IGSF21: variants seen among roughly 807,000 people sequenced by gnomAD.
The protein encoded by IGSF21 is immunoglobin superfamily member 21, also known as immunoglobulin superfamily member 21.
IGSF21 carries 28 observed loss-of-function variants against 46.8 expected under a neutral mutation model. The ratio of observed to expected loss-of-function variants is 0.60; its 90% CI spans 0.44 to 0.82. The LOEUF (loss-of-function observed/expected upper bound fraction) is 0.82. IGSF21 is among the 40% of genes least tolerant of loss of function. The pLI is 0.00. For missense variants in IGSF21, 624 were observed against 665.5 expected, an observed-to-expected ratio of 0.94 and a Z score of 0.69; for synonymous variants, 284 against 273.6, an observed-to-expected ratio of 1.04 and a Z score of -0.38.
rs1569845701 is a variant in IGSF21, at chr1:18,341,636, C to A, written c.424+6626C>A. On this transcript the variant is annotated intron_variant, in intron 4 of 9. Transcript: ENST00000251296. ...GTGAGTACTATCACTTTCTCTTTAG[C>A]AGATGAAGAAATTGAGAGGTAATGT... 2.0e-5 allele frequency among the ~76,000 whole-genome samples: 3 copies of A among 152,320 alleles called. No individual in the cohort carries two copies. In the East Asian group the frequency reaches 5.8e-4, roughly 29 times the overall value.
intron 1 of IGSF21, among the ~76,000 whole-genome samples, chr1:18,177,392 G>GAAGGACC: frequency 8.0e-6 from 1 of 125,018 alleles, no homozygotes; most frequent in Non-Finnish European, 1.7e-5. Context: ...GGGTCAGTGA[G>GAAGGACC]GTGTGTGTGT....
intron 1 of IGSF21, among the ~76,000 whole-genome samples, chr1:18,148,067 C>A (rs11261095): frequency 0.85 from 128,241 of 151,030 alleles, 56,359 homozygotes; most frequent in Non-Finnish European, 0.96. Flanking sequence ...CTCCCCAGCC[C>A]TGTGGAACTG....
At chr1:18,212,875 C>T (rs552286190) in intron 1 of IGSF21, among the ~76,000 whole-genome samples, 1 of 152,350 alleles carries the variant, frequency 6.6e-6, no homozygotes, top group Non-Finnish European at 1.5e-5. Context: ...CCTCACCCAC[C>T]ACCAAGGACA....
At chr1:18,258,781 G>A (rs558982165) in intron 2 of IGSF21, among the ~76,000 whole-genome samples, 2 of 152,292 alleles carry the variant, frequency 1.3e-5, no homozygotes, top group African/African-American at 4.8e-5. Flanking sequence ...TGTGAGAATG[G>A]AATGCACAGC....
intron 4 of IGSF21, among the ~76,000 whole-genome samples, chr1:18,355,869 CTT>C (rs2086011898): frequency 8.5e-6 from 1 of 118,200 alleles, no homozygotes; most frequent in Admixed American, 1.1e-4. Flanking sequence ...GAGTTTCGCT[CTT>C]GTTACCCAGG....
intron 2 of IGSF21, among the ~76,000 whole-genome samples, chr1:18,254,896 A>C (rs985735978): frequency 4.0e-5 from 6 of 151,578 alleles, no homozygotes; most frequent in Non-Finnish European, 5.9e-5. Flanking sequence ...CCATCCCTCC[A>C]TTCATCCAGC....
At position 18,151,058 on chromosome 1, in the gene IGSF21, C is replaced by G. The variant is rs145086039; in HGVS notation, c.70+42860C>G. Among the ~76,000 whole-genome samples the G allele has an allele frequency of 4.6e-3, 702 of 152,334 alleles. 8 individuals carry two copies. The highest frequency in any genetic ancestry group is 0.016 in the African/African-American group (678 of 41,580). Reference sequence around the variant, plus strand: ...GCAAGGTCTCCGGATGGCTGTGGCTCAGCCCTGATGAATCACAGAATACCT... The same window carrying G: ...GCAAGGTCTCCGGATGGCTGTGGCTGAGCCCTGATGAATCACAGAATACCT... On this transcript the variant is annotated intron_variant, in intron 1 of 9. Transcript: ENST00000251296.
chr1:18,123,706 G>A (rs186315787), intron 1 of IGSF21, among the ~76,000 whole-genome samples: 112 of 152,184 alleles, frequency 7.4e-4, no homozygotes, highest in Non-Finnish European at 1.4e-3. Context: ...GGAGGGATCT[G>A]AGCAGGATAC....
chr1:18,135,949 C>T lies in IGSF21; in HGVS notation c.70+27751C>T, dbSNP rs1486069397. On this transcript the variant is annotated intron_variant, in intron 1 of 9. Coordinates refer to ENST00000251296, the MANE Select transcript of IGSF21 (RefSeq NM_032880.5). ...TTGTTTCCTGACTTTTTAATGATGG[C>T]CATTCTGACTGGTGTGAGATGGTAT... Among the ~76,000 whole-genome samples, 4 of 152,160 alleles carry T rather than the reference C, an allele frequency of 2.6e-5. No individual in the cohort carries two copies. The East Asian group carries it at 7.7e-4, about 29-fold the overall frequency.
chr1:18,177,309 C>T (rs903592640), intron 1 of IGSF21, among the ~76,000 whole-genome samples: 6 of 152,014 alleles, frequency 3.9e-5, no homozygotes, highest in South Asian at 2.1e-4. Context: ...TCCTTTGCCC[C>T]GAAAAGTCCA....
intron 2 of IGSF21, among the ~76,000 whole-genome samples, chr1:18,277,922 T>C (rs958885754): frequency 6.6e-6 from 1 of 152,188 alleles, no homozygotes; most frequent in African/African-American, 2.4e-5. Flanking sequence ...GTGTTCTGCA[T>C]CCTGAGAAGG....
intron 4 of IGSF21, among the ~76,000 whole-genome samples, chr1:18,340,907 C>T (rs2085826185): frequency 6.6e-6 from 1 of 150,876 alleles, no homozygotes; most frequent in Non-Finnish European, 1.5e-5. Flanking sequence ...TCTTCTCCTT[C>T]TCCTTCTCCT....
intron 2 of IGSF21, among the ~76,000 whole-genome samples, chr1:18,264,298 T>TCTAG (rs1290737858): frequency 6.6e-6 from 1 of 152,226 alleles, no homozygotes; most frequent in Non-Finnish European, 1.5e-5. Flanking sequence ...ATGCTTGCTT[T>TCTAG]CTGCCCGGCC....
intron 2 of IGSF21, among the ~76,000 whole-genome samples, chr1:18,236,772 G>T (rs1425379963): frequency 6.6e-6 from 1 of 152,218 alleles, no homozygotes; most frequent in Non-Finnish European, 1.5e-5. Flanking sequence ...AGTGGTTTCA[G>T]AAATAGTAGA....
intron 2 of IGSF21, among the ~76,000 whole-genome samples, chr1:18,276,604 G>A (rs554808711): frequency 6.6e-6 from 1 of 152,280 alleles, no homozygotes; most frequent in East Asian, 1.9e-4. Flanking sequence ...AAGAATATGT[G>A]CCATCTTTCA....
intron 3 of IGSF21, among the ~76,000 whole-genome samples, chr1:18,333,406 C>T (rs748060997): frequency 1.3e-5 from 2 of 152,178 alleles, no homozygotes; most frequent in Non-Finnish European, 2.9e-5. Flanking sequence ...GCCAGGAATT[C>T]GCTCTCCCCA....
intron 4 of IGSF21, among the ~76,000 whole-genome samples, chr1:18,356,701 G>A (rs2086022118): frequency 6.6e-6 from 1 of 152,236 alleles, no homozygotes; most frequent in African/African-American, 2.4e-5. Context: ...GACTGTAACA[G>A]TGATGGGAAT....
chr1:18,362,142 C>T lies in IGSF21; in HGVS notation c.452C>T (p.Ala151Val), dbSNP rs766350351. 4 of 1,611,594 alleles carry T rather than the reference C, an allele frequency of 2.5e-6. No homozygotes were observed. Among genetic ancestry groups the T allele is most frequent in the Non-Finnish European group, 3.4e-6 (4 of 1,179,134 alleles). The change falls in exon 5 of 10, where the codon GCT (alanine) becomes GTT (valine). Residue 151 changes from alanine to valine, a missense_variant. Transcript: ENST00000251296. ...CCTCCCACCTCCATTGAAGTGGTGGCTGCTGACACACCAGCCCCCTTCAGC... is the reference window on the plus strand; with the variant it reads ...CCTCCCACCTCCATTGAAGTGGTGGTTGCTGACACACCAGCCCCCTTCAGC... ...MAPPTSIEVV[A>V]ADTPAPFSRY...
intron 3 of IGSF21, among the ~76,000 whole-genome samples, chr1:18,299,893 C>T (rs886707640): frequency 1.3e-5 from 2 of 152,146 alleles, no homozygotes; most frequent in Non-Finnish European, 2.9e-5. Context: ...CAGGTCTCCT[C>T]CCAGCCACTA....
Sources: gnomAD v4.1 joint callset for allele counts (sites outside exome capture counted in the v4.1 genomes callset) on GRCh38, gnomAD v4.1.1 for gene constraint, MANE v1.5 for transcripts, NCBI Gene and HGNC (gene_info 2026-07-23, HGNC 2026-07-21) for gene names.